Variants in SNX31 observed in about 807,000 individuals in gnomAD.
SNX31 encodes sorting nexin-31.
In SNX31, 58 loss-of-function variants were observed where a neutral mutation model predicts 65.4. That is an observed-to-expected ratio of 0.89 (90% CI 0.72 to 1.10). The LOEUF is 1.10. Among genes scored for constraint, SNX31 ranks in the 50% least tolerant of loss-of-function variants. The pLI is 0.00. For missense variants in SNX31, 523 were observed against 529.7 expected (o/e 0.99, Z 0.12); for synonymous variants, 181 against 190.1 (o/e 0.95, Z 0.39).
At chr8:100,585,869 A>G (rs1487345512) in intron 11 of SNX31, among the ~76,000 whole-genome samples, 1 of 152,228 alleles carries the variant, frequency 6.6e-6, no homozygotes, top group East Asian at 1.9e-4. Flanking sequence ...ATTAAATATG[A>G]AAAGATTGAA....
chr8:100,612,165 A>G lies in SNX31; in HGVS notation c.524-78T>C. 1.2e-6 allele frequency: 1 copy of G among 829,520 alleles called. No homozygotes were observed. Among genetic ancestry groups the G allele is most frequent in the Non-Finnish European group, 2.0e-6 (1 of 501,242 alleles). The allele number at this position is 829,520 out of a possible 1,614,324, so 51.4% of individuals were successfully genotyped here. On this transcript the variant is annotated intron_variant, in intron 6 of 13. Coordinates refer to ENST00000311812, the MANE Select transcript of SNX31 (RefSeq NM_152628.4). The surrounding 1 kb of genome is among the most constrained non-coding windows in gnomAD (Gnocchi z 4.3). ...TATATAGCAGCTTTCAAATGAGAAA[A>G]TAAAACCTTATTATTGGAAATAATA...
At chr8:100,628,047 T>C (rs946194024) in intron 4 of SNX31, among the ~76,000 whole-genome samples, 39 of 152,100 alleles carry the variant, frequency 2.6e-4, no homozygotes, top group Non-Finnish European at 4.9e-4. Context: ...GAGATACCAT[T>C]TCACACCAGT....
At position 100,613,135 on chromosome 8, in the gene SNX31, G is replaced by T; in HGVS notation, c.433-50C>A. 1.4e-6 allele frequency: 2 copies of T among 1,420,462 alleles called. No homozygotes were observed. The highest frequency in any genetic ancestry group is 2.0e-6 in the Non-Finnish European group (2 of 1,004,678). The allele number at this position is 1,420,462 out of a possible 1,614,324, so 88.0% of individuals were successfully genotyped here. On this transcript the variant is annotated intron_variant, in intron 5 of 13. Transcript: ENST00000311812. The surrounding 1 kb of genome is among the most constrained non-coding windows in gnomAD (Gnocchi z 5.2). ...GGAAAAAGTTAGGTGTGCCCACCAT[G>T]CATCCTAACTGTGACATGCAGACTT...
chr8:100,617,814 G>A, intron 4 of SNX31, 84 bp from the exon 5 acceptor site: 1 of 1,076,884 alleles, frequency 9.3e-7, no homozygotes. Context: ...GCCCAGGCTG[G>A]AGTGCAATGG....
upstream of SNX31, among the ~76,000 whole-genome samples, chr8:100,651,240 T>C (rs978773778): frequency 3.9e-5 from 6 of 152,218 alleles, no homozygotes; most frequent in African/African-American, 1.2e-4. Flanking sequence ...CCTTAGGGTA[T>C]TTCCCCTGCC....
rs1305285857 is a variant in SNX31, at chr8:100,588,261, A to G, written c.1092+605T>C. On this transcript the variant is annotated intron_variant, in intron 11 of 13. Coordinates refer to ENST00000311812, the MANE Select transcript of SNX31 (RefSeq NM_152628.4). This position sits in a 1 kb window ranked among gnomAD's most constrained non-coding sequence, Gnocchi z 4.8. Reference sequence around the variant, plus strand: ...ATTTCAAGATTTAAAAAAATCTGCAATTGGAAACAATTCTGGTGCTAAGCA... The same window carrying G: ...ATTTCAAGATTTAAAAAAATCTGCAGTTGGAAACAATTCTGGTGCTAAGCA... Among the ~76,000 whole-genome samples, 6 of 152,246 alleles carry G rather than the reference A, an allele frequency of 3.9e-5. No individual in the cohort carries two copies. Among genetic ancestry groups the G allele is most frequent in the Non-Finnish European group, 8.8e-5 (6 of 68,044 alleles).
At position 100,611,721 on chromosome 8, in the gene SNX31, A is replaced by T. The variant is rs192348699; in HGVS notation, c.611+279T>A. On this transcript the variant is annotated intron_variant, in intron 7 of 13. Coordinates refer to ENST00000311812, the MANE Select transcript of SNX31 (RefSeq NM_152628.4). ...AGATGCACAACACCACATCTGGCTA[A>T]TTTTTTTGATTTTTAGTGGAGATGA... is the stretch of plus-strand genomic sequence containing the variant. 2.1e-3 allele frequency among the ~76,000 whole-genome samples: 312 copies of T among 152,124 alleles called. 7 individuals are homozygous for T. In the South Asian group the frequency reaches 0.036, roughly 18 times the overall value.
At chr8:100,652,199 C>T (rs575753313), upstream of SNX31, among the ~76,000 whole-genome samples, 22 of 152,142 alleles carry the variant, frequency 1.4e-4, no homozygotes, top group African/African-American at 5.1e-4. Flanking sequence ...AGGATGGTCT[C>T]GATCTCCTGA....
intron 4 of SNX31, among the ~76,000 whole-genome samples, chr8:100,621,556 C>T (rs889996521): frequency 2.0e-5 from 3 of 152,356 alleles, no homozygotes; most frequent in African/African-American, 7.2e-5. Context: ...CATCTTACCA[C>T]CAGCACCTTA....
At chr8:100,619,826 T>C (rs1417175606) in intron 4 of SNX31, 2 of 152,256 alleles carry the variant, frequency 1.3e-5, no homozygotes, top group African/African-American at 4.8e-5. Flanking sequence ...TTCAGAATGG[T>C]ACTGGCCATG....
chr8:100,641,560 AAAAAAATATATATATATAT>A (rs1819188025), intron 2 of SNX31, among the ~76,000 whole-genome samples: 1 of 30,790 alleles, frequency 3.2e-5, no homozygotes, highest in Non-Finnish European at 5.2e-5. Context: ...AAAAAAAAAA[AAAAAAATATATATATATAT>A]ATATATATAT....
chr8:100,640,167 G>T (rs1456009306), intron 2 of SNX31, among the ~76,000 whole-genome samples: 1 of 151,944 alleles, frequency 6.6e-6, no homozygotes, highest in Non-Finnish European at 1.5e-5. Flanking sequence ...TGCTCTTGTT[G>T]CCCAGGCTGG....
Position 100,614,458 on chromosome 8 carries a change from G to A in SNX31, c.433-1373C>T, listed in dbSNP as rs1816995029. ...AAACACCTTCTTTTGAGAGGAGTGA[G>A]CATCAGCAAAAAAATACGTAATAAT... On this transcript the variant is annotated intron_variant, in intron 5 of 13. Transcript: ENST00000311812. The surrounding 1 kb of genome is among the most constrained non-coding windows in gnomAD (Gnocchi z 5.1). Among the ~76,000 whole-genome samples the A allele has an allele frequency of 6.6e-6, 1 of 152,166 alleles. No individual in the cohort carries two copies. The highest frequency in any genetic ancestry group is 2.4e-5 in the African/African-American group (1 of 41,442).
Position 100,604,316 on chromosome 8 carries a change from C to A in SNX31, c.682-3875G>T, listed in dbSNP as rs2507786. Reference sequence around the variant, plus strand: ...TAAAAATCAAGCAAAATCACATAAGCCATAGTCTTCCTGACCTTCAGTCTC... The same window carrying A: ...TAAAAATCAAGCAAAATCACATAAGACATAGTCTTCCTGACCTTCAGTCTC... On this transcript the variant is annotated intron_variant, in intron 8 of 13. Transcript: ENST00000311812. The surrounding 1 kb of genome is among the most constrained non-coding windows in gnomAD (Gnocchi z 4.3). Among the ~76,000 whole-genome samples the A allele has an allele frequency of 0.26, 40,184 of 152,160 alleles. 5,965 individuals are homozygous for A. The highest frequency in any genetic ancestry group is 0.38 in the Admixed American group (5,805 of 15,288).
chr8:100,622,777 T>G lies in SNX31; in HGVS notation c.322-5047A>C, dbSNP rs1266178908. Among the ~76,000 whole-genome samples, 1 of 152,230 alleles carries G rather than the reference T, an allele frequency of 6.6e-6. No individual in the cohort carries two copies. Among genetic ancestry groups the G allele is most frequent in the Non-Finnish European group, 1.5e-5 (1 of 68,034 alleles). On this transcript the variant is annotated intron_variant, in intron 4 of 13. Coordinates refer to ENST00000311812, the MANE Select transcript of SNX31 (RefSeq NM_152628.4). The surrounding 1 kb of genome is among the most constrained non-coding windows in gnomAD (Gnocchi z 5.0). ...CCCTCTCTAGCCCTCGACTGCATAC[T>G]TATCCTACAGATATGTAAGAAGAGA...
rs1303812966 is a variant in SNX31 at position 100,609,299 on chromosome 8, T to G, written c.612-736A>C. On this transcript the variant is annotated intron_variant, in intron 7 of 13. Coordinates refer to ENST00000311812, the MANE Select transcript of SNX31 (RefSeq NM_152628.4). The surrounding 1 kb of genome is among the most constrained non-coding windows in gnomAD (Gnocchi z 4.9). ...TTTGCAAGCCTTATGCAGTGCCCCC[T>G]CCTCTGGTCCCTACTCCCCAAGGCT... is the stretch of plus-strand genomic sequence containing the variant. 6.6e-6 allele frequency among the ~76,000 whole-genome samples: 1 copy of G among 152,122 alleles called. No individual in the cohort carries two copies. The highest frequency in any genetic ancestry group is 1.5e-5 in the Non-Finnish European group (1 of 68,016).
intron 9 of SNX31, among the ~76,000 whole-genome samples, chr8:100,598,893 A>C (rs1471727765): frequency 6.6e-6 from 1 of 152,246 alleles, no homozygotes; most frequent in East Asian, 1.9e-4. Flanking sequence ...ACTGTGTGCC[A>C]ATAAAACTTT....
Position 100,608,346 on chromosome 8 carries a change from G to A in SNX31, c.681+148C>T, listed in dbSNP as rs569934753. The A allele has an allele frequency of 7.7e-4, 528 of 684,250 alleles. 4 individuals carry two copies. Among genetic ancestry groups the A allele is most frequent in the Admixed American group, 4.0e-4 (17 of 42,856 alleles). 42.4% of individuals were successfully genotyped at this position (684,250 alleles called of 1,614,324 possible). On this transcript the variant is annotated intron_variant, in intron 8 of 13. Transcript: ENST00000311812. ...TCTTCTCCACCCCCCACAGCCCCTG[G>A]TAATCTCTGTTCTACTTTCTGTCTC... is the stretch of plus-strand genomic sequence containing the variant.
chr8:100,611,032 A>G (rs1045631258), intron 7 of SNX31, among the ~76,000 whole-genome samples: 1 of 152,100 alleles, frequency 6.6e-6, no homozygotes, highest in Admixed American at 6.5e-5. Flanking sequence ...ATTTTCTATA[A>G]TATTTTGTTC....
Sources: allele counts gnomAD v4.1 joint callset (sites outside exome capture counted in the v4.1 genomes callset), GRCh38; gene constraint gnomAD v4.1.1; non-coding constraint Gnocchi (gnomAD v3.1); transcripts MANE v1.5; gene names NCBI Gene and HGNC (gene_info 2026-07-23, HGNC 2026-07-21).